The following SPAG16 variants were observed in gnomAD, a reference collection of about 807,000 sequenced individuals.
SPAG16 encodes sperm associated antigen 16.
A neutral mutation model predicts 80.4 loss-of-function variants in SPAG16; 86 were observed. That is an observed-to-expected ratio of 1.07 (90% CI 0.90 to 1.28). The LOEUF (loss-of-function observed/expected upper bound fraction) is 1.28. Among genes scored for constraint, SPAG16 ranks in the 50% most tolerant of loss-of-function variants. The probability of loss-of-function intolerance (pLI) is 0.00; values close to 1 mark genes in which losing one functional copy is unlikely to be tolerated. For missense variants in SPAG16, 870 were observed against 765.3 expected, an observed-to-expected ratio of 1.14 and a Z score of -1.61; for synonymous variants, 294 against 265.9, an observed-to-expected ratio of 1.11 and a Z score of -1.03.
Position 214,108,263 on chromosome 2 carries a change from T to A in SPAG16, c.1593+2T>A. 1 of 1,603,002 alleles carries A rather than the reference T, an allele frequency of 6.2e-7. No homozygotes were observed. Among genetic ancestry groups the A allele is most frequent in the South Asian group, 1.1e-5 (1 of 90,184 alleles). On this transcript the variant is annotated splice_donor_variant, in intron 14 of 15. Transcript: ENST00000331683. LOFTEE classifies it high-confidence loss of function. ...AATGATGCCATTTTTGATCCCAGGG[T>A]AAGTTCAGTTCTCCCAGTAAACTGT...
intron 15 of SPAG16, among the ~76,000 whole-genome samples, chr2:214,346,832 C>G (rs566931088): frequency 3.5e-4 from 54 of 152,290 alleles, no homozygotes; most frequent in Non-Finnish European, 6.3e-4. Context: ...AACACTAGCT[C>G]ATTCTCCAAA....
chr2:213,886,577 A>T (rs914406180), intron 11 of SPAG16, among the ~76,000 whole-genome samples: 1 of 152,110 alleles, frequency 6.6e-6, no homozygotes, highest in Non-Finnish European at 1.5e-5. Flanking sequence ...CAAACAAATG[A>T]TGAATTGAGA....
chr2:213,651,501 T>C (rs1198997213), intron 10 of SPAG16, among the ~76,000 whole-genome samples: 1 of 152,134 alleles, frequency 6.6e-6, no homozygotes, highest in Non-Finnish European at 1.5e-5. Context: ...GGTCCATGGG[T>C]AGCCTAGCCA....
chr2:214,270,410 T>C (rs1691904381), intron 15 of SPAG16, among the ~76,000 whole-genome samples: 1 of 152,168 alleles, frequency 6.6e-6, no homozygotes, highest in African/African-American at 2.4e-5. Context: ...TGTTGGTTGA[T>C]AAAATACAAA....
At chr2:214,357,287 G>T (rs1472121431) in intron 15 of SPAG16, among the ~76,000 whole-genome samples, 2 of 151,564 alleles carry the variant, frequency 1.3e-5, no homozygotes, top group African/African-American at 4.8e-5. Flanking sequence ...TTTTCTTTTG[G>T]AATAATTTCT....
At chr2:214,034,030 C>G (rs1187528377) in intron 13 of SPAG16, among the ~76,000 whole-genome samples, 2 of 152,046 alleles carry the variant, frequency 1.3e-5, no homozygotes, top group Non-Finnish European at 2.9e-5. Context: ...GTTCATTTCT[C>G]TTTCATTGTG....
intron 15 of SPAG16, among the ~76,000 whole-genome samples, chr2:214,251,034 T>C (rs756170271): frequency 6.6e-6 from 1 of 151,846 alleles, no homozygotes; most frequent in Non-Finnish European, 1.5e-5. Flanking sequence ...TATTGTTTTA[T>C]TACAGCTAAT....
At chr2:214,152,190 A>G (rs1406780345) in intron 15 of SPAG16, among the ~76,000 whole-genome samples, 1 of 152,144 alleles carries the variant, frequency 6.6e-6, no homozygotes, top group Non-Finnish European at 1.5e-5. Context: ...CTATTTATTA[A>G]CCTCATAAGT....
intron 12 of SPAG16, among the ~76,000 whole-genome samples, chr2:213,961,645 G>T (rs1353840055): frequency 1.4e-5 from 2 of 143,862 alleles, no homozygotes; most frequent in African/African-American, 2.6e-5. Flanking sequence ...TAAAATTATT[G>T]TGTGGTATTA....
chr2:213,486,047 C>T (rs1024140739), intron 9 of SPAG16, among the ~76,000 whole-genome samples: 1 of 152,020 alleles, frequency 6.6e-6, no homozygotes, highest in Non-Finnish European at 1.5e-5. Flanking sequence ...GTACCCATCA[C>T]CTTAAATGTT....
intron 10 of SPAG16, among the ~76,000 whole-genome samples, chr2:213,583,794 A>G (rs947242872): frequency 2.0e-5 from 3 of 152,210 alleles, no homozygotes; most frequent in Non-Finnish European, 2.9e-5. Flanking sequence ...ATAATTGACA[A>G]TGAAAGACAA....
rs1027013966 is a variant in SPAG16 at position 213,710,890 on chromosome 2, A to G, written c.1071-151595A>G. On this transcript the variant is annotated intron_variant, in intron 10 of 15. Transcript: ENST00000331683. ...AGTTCTAACTCATTTACTAATGAGC[A>G]TATTGTTTCCTCATCACATGCTAGG... Among the ~76,000 whole-genome samples the G allele has an allele frequency of 2.0e-4, 31 of 152,200 alleles. 1 individual carries two copies. Among genetic ancestry groups the G allele is most frequent in the Non-Finnish European group, 1.2e-4 (8 of 68,046 alleles).
chr2:213,300,617 G>A (rs1398548814), intron 3 of SPAG16, among the ~76,000 whole-genome samples: 1 of 152,142 alleles, frequency 6.6e-6, no homozygotes, highest in African/African-American at 2.4e-5. Context: ...ATTTGTAACA[G>A]TGTCACTCTT....
At chr2:213,643,169 C>G (rs2062668072) in intron 10 of SPAG16, among the ~76,000 whole-genome samples, 1 of 150,182 alleles carries the variant, frequency 6.7e-6, no homozygotes, top group South Asian at 2.1e-4. Flanking sequence ...CTGGGGAAGT[C>G]TTTATTTCTC....
chr2:213,287,778 A>G (rs2062108141), intron 1 of SPAG16, among the ~76,000 whole-genome samples: 1 of 152,220 alleles, frequency 6.6e-6, no homozygotes, highest in African/African-American at 2.4e-5. Flanking sequence ...CTCCAAAATT[A>G]AGGACTCTAG....
chr2:213,819,385 T>G (rs1355511194), intron 10 of SPAG16, among the ~76,000 whole-genome samples: 1 of 152,236 alleles, frequency 6.6e-6, no homozygotes, highest in Admixed American at 6.5e-5. Context: ...GCCAACATTT[T>G]ATGTGTCCAT....
intron 13 of SPAG16, among the ~76,000 whole-genome samples, chr2:214,038,355 T>C (rs1167654354): frequency 2.6e-5 from 4 of 152,144 alleles, no homozygotes; most frequent in Non-Finnish European, 5.9e-5. Flanking sequence ...TTTTCTCTCT[T>C]CTGTCAATTT....
At chr2:213,621,270 T>C (rs939379995) in intron 10 of SPAG16, among the ~76,000 whole-genome samples, 1 of 152,200 alleles carries the variant, frequency 6.6e-6, no homozygotes, top group Non-Finnish European at 1.5e-5. Flanking sequence ...ATCATGGTTT[T>C]CCAGGGCAGA....
At chr2:213,516,032 G>A (rs1290465833) in intron 10 of SPAG16, among the ~76,000 whole-genome samples, 3 of 152,144 alleles carry the variant, frequency 2.0e-5, no homozygotes, top group African/African-American at 7.2e-5. Flanking sequence ...ACTGAGACTT[G>A]TGTGATATAT....
Sources: allele counts gnomAD v4.1 joint callset (sites outside exome capture counted in the v4.1 genomes callset), GRCh38; gene constraint gnomAD v4.1.1; transcripts MANE v1.5; gene names NCBI Gene and HGNC (gene_info 2026-07-23, HGNC 2026-07-21).